The following HIVEP3 variants were observed in gnomAD, a reference collection of about 807,000 sequenced individuals.
HIVEP3 encodes the protein transcription factor HIVEP3.
A neutral mutation model predicts 152.8 loss-of-function variants in HIVEP3; 49 were observed. That is an observed-to-expected ratio of 0.32 (90% confidence interval 0.26 to 0.41). The LOEUF (loss-of-function observed/expected upper bound fraction) is 0.41. Ranked by LOEUF, HIVEP3 falls within the 10% of genes least tolerant of loss-of-function variation. The pLI is 1.00. For synonymous variants in HIVEP3, 1,269 were observed against 1,289.0 expected (o/e 0.98, Z 0.33); for missense variants, 2,790 against 3,103.3 (o/e 0.90, Z 2.40).
chr1:41,687,633 C>T (rs925868688), intron 2 of HIVEP3, among the ~76,000 whole-genome samples: 4 of 152,220 alleles, frequency 2.6e-5, no homozygotes, highest in African/African-American at 9.6e-5. Context: ...CTTAGGTGCA[C>T]GGCGATGCTG....
At chr1:41,763,755 T>C (rs1027666114) in intron 1 of HIVEP3, among the ~76,000 whole-genome samples, 2 of 152,190 alleles carry the variant, frequency 1.3e-5, no homozygotes, top group Admixed American at 6.5e-5. Flanking sequence ...ATTGTGTTAG[T>C]GGAGGTAAAA....
chr1:41,604,391 T>C (rs1165716058), intron 3 of HIVEP3, among the ~76,000 whole-genome samples: 4 of 152,168 alleles, frequency 2.6e-5, no homozygotes, highest in Non-Finnish European at 4.4e-5. Flanking sequence ...ATCTTACAGA[T>C]ATAATAATAA....
At chr1:41,857,717 G>A (rs1302922860) in intron 1 of HIVEP3, among the ~76,000 whole-genome samples, 4 of 152,196 alleles carry the variant, frequency 2.6e-5, no homozygotes, top group African/African-American at 9.7e-5. Flanking sequence ...GGAGTCCTGA[G>A]AAAAGGACTT....
Position 41,709,046 on chromosome 1 carries a change from T to C in HIVEP3, c.-800-8051A>G, listed in dbSNP as rs569522614. On this transcript the variant is annotated intron_variant, in intron 1 of 8. Coordinates refer to ENST00000372583, the MANE Select transcript of HIVEP3 (RefSeq NM_024503.5). ...TTTCTTTGCTAATAAAAAGAGAATC[T>C]GGGGAAGATGTTCCTCTTCTGCACC... Among the ~76,000 whole-genome samples, 5 of 152,262 alleles carry C rather than the reference T, an allele frequency of 3.3e-5. No homozygotes were observed. In the South Asian group the frequency reaches 1.0e-3, roughly 32 times the overall value.
chr1:41,672,242 G>A (rs1011201415), intron 2 of HIVEP3, among the ~76,000 whole-genome samples: 4 of 152,182 alleles, frequency 2.6e-5, no homozygotes, highest in Non-Finnish European at 5.9e-5. Context: ...CATGTGCAGA[G>A]TACACTGTGG....
intron 1 of HIVEP3, among the ~76,000 whole-genome samples, chr1:41,775,225 T>C (rs1329471736): frequency 6.6e-6 from 1 of 152,226 alleles, no homozygotes; most frequent in Non-Finnish European, 1.5e-5. Context: ...TCGTCCATCA[T>C]ATTCTGGATA....
At chr1:41,789,499 GT>G (rs1438085481) in intron 1 of HIVEP3, among the ~76,000 whole-genome samples, 1 of 152,164 alleles carries the variant, frequency 6.6e-6, no homozygotes, top group Non-Finnish European at 1.5e-5. Flanking sequence ...ATGGTTATGA[GT>G]TTATTTTAAT....
intron 1 of HIVEP3, among the ~76,000 whole-genome samples, chr1:41,815,866 T>A (rs1320331973): frequency 6.6e-6 from 1 of 151,510 alleles, no homozygotes; most frequent in African/African-American, 2.4e-5. Context: ...GCCTCCTGGG[T>A]TCAAGCAATC....
chr1:41,791,511 T>C (rs928410705), intron 1 of HIVEP3, among the ~76,000 whole-genome samples: 8 of 152,168 alleles, frequency 5.3e-5, no homozygotes, highest in African/African-American at 1.9e-4. Flanking sequence ...ATAATGGATG[T>C]GATGGCTGGT....
At chr1:41,729,810 T>C (rs1339649734) in intron 1 of HIVEP3, among the ~76,000 whole-genome samples, 3 of 152,148 alleles carry the variant, frequency 2.0e-5, no homozygotes, top group Non-Finnish European at 4.4e-5. Context: ...TGTTGAAAGG[T>C]GCGAGGTGCT....
intron 2 of HIVEP3, among the ~76,000 whole-genome samples, chr1:41,687,565 T>A (rs1646132370): frequency 6.6e-6 from 1 of 152,194 alleles, no homozygotes; most frequent in Non-Finnish European, 1.5e-5. Context: ...GATCTTGCTC[T>A]CCTCTCTCTG....
chr1:41,859,373 G>A (rs182318179), intron 1 of HIVEP3, among the ~76,000 whole-genome samples: 40 of 152,300 alleles, frequency 2.6e-4, no homozygotes, highest in Admixed American at 1.6e-3. Flanking sequence ...ATAGATTTTC[G>A]TAAACAATTT....
Position 41,511,200 on chromosome 1 carries a change from A to G in HIVEP3, c.6472T>C (p.Phe2158Leu). 6.2e-7 allele frequency: 1 copy of G among 1,613,958 alleles called. No homozygotes were observed. Among genetic ancestry groups the G allele is most frequent in the Non-Finnish European group, 8.5e-7 (1 of 1,179,976 alleles). The change falls in exon 9 of 9, where the codon TTC becomes CTC. Residue 2158 changes from phenylalanine to leucine, a missense_variant. Physicochemically the swap from Phe to Leu is conservative, Grantham distance 22 (BLOSUM62 0). This residue lies in a region of HIVEP3 where 816 missense variants were observed against 806.5 expected (regional missense o/e 1.01). Coordinates refer to ENST00000372583, the MANE Select transcript of HIVEP3 (RefSeq NM_024503.5). This position sits in a 1 kb window ranked among gnomAD's most constrained non-coding sequence, Gnocchi z 4.9. ...CCGTGGAAGTCATGGAGGGCGGAGAAGGGTCGGGAGGAGAGAGGATGAGCA... is the reference window on the plus strand; with the variant it reads ...CCGTGGAAGTCATGGAGGGCGGAGAGGGGTCGGGAGGAGAGAGGATGAGCA... Reference protein sequence around the residue: ...GPAHPLSSRPFSALHDFHGHI... With the variant: ...GPAHPLSSRPLSALHDFHGHI...
Position 41,583,102 on chromosome 1 carries a change from G to GGTC in HIVEP3, c.1693_1695dup (p.Asp565dup). The stretch of plus-strand genomic sequence containing the variant: ...CTCAGGGCTTCGGAGTCGGTGATAT[G>GGTC]GTCATCGAAGGAGTAGCTACCTCGG... On this transcript the variant is annotated inframe_insertion, in exon 4 of 9. Coordinates refer to ENST00000372583, the MANE Select transcript of HIVEP3 (RefSeq NM_024503.5). The surrounding 1 kb of genome is among the most constrained non-coding windows in gnomAD (Gnocchi z 6.9). 1 of 1,613,680 alleles carries GGTC rather than the reference G, an allele frequency of 6.2e-7. No homozygotes were observed. Among genetic ancestry groups the GGTC allele is most frequent in the Non-Finnish European group, 8.5e-7 (1 of 1,179,850 alleles).
chr1:41,526,693 C>CCA (rs1642946017), intron 5 of HIVEP3, among the ~76,000 whole-genome samples: 1 of 110,918 alleles, frequency 9.0e-6, no homozygotes, highest in Non-Finnish European at 1.9e-5. Flanking sequence ...CCACACTCAC[C>CCA]CTCACGCACA....
chr1:41,997,056 A>G (rs2124521364), intron 1 of HIVEP3, among the ~76,000 whole-genome samples: 1 of 152,346 alleles, frequency 6.6e-6, no homozygotes, highest in East Asian at 1.9e-4. Flanking sequence ...ACATCTGCCA[A>G]GTCCCTTTTG....
In HIVEP3 at chr1:41,587,928, C is replaced by T. The variant is rs559059605; in HGVS notation, c.-521-2610G>A. Among the ~76,000 whole-genome samples the T allele has an allele frequency of 3.3e-5, 5 of 152,284 alleles. No individual in the cohort carries two copies. The East Asian group carries it at 5.8e-4, about 18-fold the overall frequency. On this transcript the variant is annotated intron_variant, in intron 3 of 8. Coordinates refer to ENST00000372583, the MANE Select transcript of HIVEP3 (RefSeq NM_024503.5). ...GCCCCAGGGGACATCGCTGTATCCA[C>T]GGCAAGAGGGAGTAAGGAATTGTCT...
intron 1 of HIVEP3, among the ~76,000 whole-genome samples, chr1:41,769,899 C>G (rs555783354): frequency 6.6e-6 from 1 of 152,326 alleles, no homozygotes; most frequent in Non-Finnish European, 1.5e-5. Flanking sequence ...AAAAATCACT[C>G]TTAGAATACC....
chr1:41,580,229 C>T lies in HIVEP3; in HGVS notation c.4569G>A (p.Gly1523=). The T allele has an allele frequency of 6.2e-7, 1 of 1,612,834 alleles. No individual in the cohort carries two copies. Among genetic ancestry groups the T allele is most frequent in the South Asian group, 1.1e-5 (1 of 90,812 alleles). Residue 1523 remains glycine, a synonymous_variant, in exon 4 of 9, where the codon GGG becomes GGA. Transcript: ENST00000372583. Reference sequence around the variant, plus strand: ...TCAAAGCTTCTGAGCCTGGGGCTGTCCCATGGGACAATGCAGGGTGAGGGA... The same window carrying T: ...TCAAAGCTTCTGAGCCTGGGGCTGTTCCATGGGACAATGCAGGGTGAGGGA... ...PPLPHPALSH[G]TAPGSEALKE...
Sources: gnomAD v4.1 joint callset for allele counts (sites outside exome capture counted in the v4.1 genomes callset) on GRCh38, gnomAD v4.1.1 for gene constraint, gnomAD v4.1.1 regional missense constraint, Gnocchi (gnomAD v3.1) non-coding constraint, MANE v1.5 for transcripts, NCBI Gene and HGNC (gene_info 2026-07-23, HGNC 2026-07-21) for gene names.